The following RBFOX1 variants were observed in gnomAD, a reference collection of about 807,000 sequenced individuals.
The protein encoded by RBFOX1 is RNA binding protein fox-1 homolog 1.
A neutral mutation model predicts 57.7 loss-of-function variants in RBFOX1; 8 were observed. The observed-to-expected ratio is 0.14, with a 90% confidence interval of 0.08 to 0.25. The LOEUF (loss-of-function observed/expected upper bound fraction) is 0.25. Ranked by LOEUF, RBFOX1 falls within the 10% of genes least tolerant of loss-of-function variation. The probability of loss-of-function intolerance (pLI) is 1.00; values close to 1 mark genes in which losing one functional copy is unlikely to be tolerated. For missense variants in RBFOX1, 611 were observed against 548.5 expected (o/e 1.11, Z -1.14); for synonymous variants, 326 against 222.4 (o/e 1.47, Z -4.15).
chr16:6,065,509 CTCTG>C (rs1023407656), intron 1 of RBFOX1, among the ~76,000 whole-genome samples: 1 of 152,136 alleles, frequency 6.6e-6, no homozygotes, highest in African/African-American at 2.4e-5. Context: ...CCACTCAGTC[CTCTG>C]TCTGTTTCAT....
At chr16:6,069,136 C>T (rs532990024) in intron 1 of RBFOX1, among the ~76,000 whole-genome samples, 5 of 152,028 alleles carry the variant, frequency 3.3e-5, no homozygotes, top group African/African-American at 9.7e-5. Context: ...CGGCGGCTGA[C>T]GCATGTAATC....
chr16:5,757,607 CAG>C (rs1242824894), intron 3 of RBFOX1, among the ~76,000 whole-genome samples: 1 of 152,126 alleles, frequency 6.6e-6, no homozygotes, highest in African/African-American at 2.4e-5. Context: ...AACTCAGCCA[CAG>C]AGAGACCAGG....
intron 3 of RBFOX1, among the ~76,000 whole-genome samples, chr16:6,960,205 A>G (rs2082670989): frequency 6.6e-6 from 1 of 152,164 alleles, no homozygotes. Flanking sequence ...CAAGAGAAGG[A>G]TAATCATCCC....
intron 13 of RBFOX1, among the ~76,000 whole-genome samples, chr16:7,666,815 T>C (rs914916893): frequency 6.6e-6 from 1 of 152,212 alleles, no homozygotes; most frequent in Admixed American, 6.5e-5. Context: ...TGTCCCTTTG[T>C]GCTTTTCTAG....
intron 4 of RBFOX1, among the ~76,000 whole-genome samples, chr16:7,131,341 C>CTTT (rs34213849): frequency 7.0e-5 from 5 of 71,752 alleles, no homozygotes; most frequent in African/African-American, 1.2e-4. Context: ...GCGAGACTGT[C>CTTT]TTTTTTTTTT....
intron 3 of RBFOX1, among the ~76,000 whole-genome samples, chr16:6,897,015 T>C (rs1316612227): frequency 6.6e-6 from 1 of 152,162 alleles, no homozygotes; most frequent in East Asian, 1.9e-4. Context: ...GACGCACCTG[T>C]GCAGAGCTCC....
intron 1 of RBFOX1, among the ~76,000 whole-genome samples, chr16:6,165,909 C>A (rs2096913516): frequency 6.6e-6 from 1 of 152,098 alleles, no homozygotes. Context: ...AGGGAGACGT[C>A]AAACTTAGGT....
At chr16:7,303,983 GC>G (rs2096102458) in intron 4 of RBFOX1, among the ~76,000 whole-genome samples, 1 of 151,920 alleles carries the variant, frequency 6.6e-6, no homozygotes, top group South Asian at 2.1e-4. Flanking sequence ...GGGGTGGGGG[GC>G]CCCTTCCACT....
intron 1 of RBFOX1, among the ~76,000 whole-genome samples, chr16:6,197,223 A>G (rs1377714358): frequency 6.6e-6 from 1 of 151,994 alleles, no homozygotes; most frequent in Non-Finnish European, 1.5e-5. Context: ...GTGGCCCCCA[A>G]GCATCTCTTG....
intron 3 of RBFOX1, among the ~76,000 whole-genome samples, chr16:5,845,579 G>C (rs2056736027): frequency 6.6e-6 from 1 of 152,206 alleles, no homozygotes; most frequent in African/African-American, 2.4e-5. Flanking sequence ...AGGTGGCCGA[G>C]CTTCTTCAAA....
intron 4 of RBFOX1, among the ~76,000 whole-genome samples, chr16:5,868,584 A>G (rs1294216456): frequency 6.6e-6 from 1 of 152,210 alleles, no homozygotes; most frequent in Non-Finnish European, 1.5e-5. Flanking sequence ...AAATGTCGGC[A>G]TCCTCGGATA....
chr16:6,984,847 G>T (rs1469177926), intron 3 of RBFOX1, among the ~76,000 whole-genome samples: 1 of 151,930 alleles, frequency 6.6e-6, no homozygotes, highest in African/African-American at 2.4e-5. Context: ...CACCATATTG[G>T]TCAGGCTGGT....
chr16:6,082,489 A>C (rs989774688), intron 1 of RBFOX1, among the ~76,000 whole-genome samples: 1 of 148,840 alleles, frequency 6.7e-6, no homozygotes, highest in South Asian at 2.1e-4. Context: ...TTTAGGCACT[A>C]TGCTTTTATT....
At chr16:6,637,564 T>TTCTATATAGTATATATAGAATAG (rs1555636902) in intron 2 of RBFOX1, among the ~76,000 whole-genome samples, 3,536 of 128,406 alleles carry the variant, frequency 0.028, 206 homozygotes, top group African/African-American at 0.1. Context: ...ATATATAATA[T>TTCTATATAGTATATATAGAATAG]TCTATATAGT....
Position 5,866,796 on chromosome 16 carries a change from C to A in RBFOX1, c.319-507C>A, listed in dbSNP as rs1329438982. On this transcript the variant is annotated intron_variant, in intron 3 of 19. Coordinates refer to the RBFOX1 transcript ENST00000641259. ...GTTTAAATGAGATAAAATATATAAA[C>A]AACTTGGCACCATTCCTGGCACAAC... is the stretch of plus-strand genomic sequence containing the variant. 2.6e-5 allele frequency among the ~76,000 whole-genome samples: 4 copies of A among 152,254 alleles called. No homozygotes were observed. The South Asian group carries it at 8.3e-4, about 32-fold the overall frequency.
chr16:7,132,230 C>T (rs1029123175), intron 4 of RBFOX1, among the ~76,000 whole-genome samples: 1 of 152,164 alleles, frequency 6.6e-6, no homozygotes, highest in Non-Finnish European at 1.5e-5. Context: ...ATCTGCCTGT[C>T]TCGGCCTCCC....
At chr16:6,256,135 A>G (rs1324827272) in intron 1 of RBFOX1, among the ~76,000 whole-genome samples, 2 of 29,160 alleles carry the variant, frequency 6.9e-5, no homozygotes, top group Admixed American at 5.7e-4. Context: ...AAATATATAT[A>G]TATGTGTGTA....
chr16:6,338,081 A>T (rs2084017311), intron 2 of RBFOX1, among the ~76,000 whole-genome samples: 1 of 152,234 alleles, frequency 6.6e-6, no homozygotes, highest in African/African-American at 2.4e-5. Context: ...TTTTGTCTGC[A>T]ATATGTGAAA....
At chr16:6,801,142 A>T (rs778316269) in intron 3 of RBFOX1, among the ~76,000 whole-genome samples, 2 of 150,514 alleles carry the variant, frequency 1.3e-5, no homozygotes, top group Non-Finnish European at 3.0e-5. Flanking sequence ...ATATGCTCCT[A>T]GGTGATGTTG....
Sources: gnomAD v4.1 joint callset for allele counts (sites outside exome capture counted in the v4.1 genomes callset) on GRCh38, gnomAD v4.1.1 for gene constraint, MANE v1.5 for transcripts, NCBI Gene and HGNC (gene_info 2026-07-23, HGNC 2026-07-21) for gene names.